Variants in TRAT1 observed in about 807,000 individuals in gnomAD.
TRAT1 encodes T cell receptor associated transmembrane adaptor 1, also known as T-cell receptor-associated transmembrane adapter 1.
In TRAT1, 20 loss-of-function variants were observed where a neutral mutation model predicts 20.0. The ratio of observed to expected loss-of-function variants is 1.00; its 90% confidence interval spans 0.70 to 1.45. TRAT1 has a LOEUF of 1.45. TRAT1 is among the 40% of genes most tolerant of loss of function. The probability of loss-of-function intolerance (pLI) is 0.00; values close to 1 mark genes in which losing one functional copy is unlikely to be tolerated. For missense variants in TRAT1, 237 were observed against 224.1 expected, an observed-to-expected ratio of 1.06 and a Z score of -0.37; for synonymous variants, 77 against 74.2, an observed-to-expected ratio of 1.04 and a Z score of -0.20.
intron 3 of TRAT1, among the ~76,000 whole-genome samples, chr3:108,842,141 C>T (rs1945901687): frequency 6.6e-6 from 1 of 152,180 alleles, no homozygotes; most frequent in Non-Finnish European, 1.5e-5. Flanking sequence ...TTAAGCTTAT[C>T]ATGACTCCTC....
intron 3 of TRAT1, among the ~76,000 whole-genome samples, chr3:108,842,735 T>C (rs1247051239): frequency 6.6e-6 from 1 of 152,224 alleles, no homozygotes; most frequent in East Asian, 1.9e-4. Flanking sequence ...CTGGCAGTTC[T>C]TTCCAGTATC....
At chr3:108,849,720 TC>T (rs1388909280) in intron 5 of TRAT1, among the ~76,000 whole-genome samples, 1 of 152,158 alleles carries the variant, frequency 6.6e-6, no homozygotes, top group Admixed American at 6.5e-5. Flanking sequence ...TTAATACAAG[TC>T]CTGTGGCTGT....
chr3:108,853,935 C>T lies in TRAT1; in HGVS notation c.*58C>T, dbSNP rs1001955127. 4.5e-6 allele frequency: 7 copies of T among 1,541,110 alleles called. No homozygotes were observed. The highest frequency in any genetic ancestry group is 6.2e-6 in the Non-Finnish European group (7 of 1,122,876). On this transcript the variant is annotated 3_prime_UTR_variant, in exon 6 of 6. Transcript: ENST00000295756. ...CTATTGAAGATGGCTTCTAAGAAAA[C>T]AAGATGCACAGAGGACACAGAAGGA... is the stretch of plus-strand genomic sequence containing the variant.
chr3:108,823,531 A>G (rs1393424777), intron 1 of TRAT1, among the ~76,000 whole-genome samples: 1 of 152,230 alleles, frequency 6.6e-6, no homozygotes, highest in African/African-American at 2.4e-5. Flanking sequence ...AATTTATTAA[A>G]TAAACATCTT....
intron 1 of TRAT1, 52 bp from the exon 2 acceptor site, chr3:108,830,618 A>G (rs1945783517): frequency 7.8e-7 from 1 of 1,273,912 alleles, no homozygotes; most frequent in Non-Finnish European, 1.1e-6. Flanking sequence ...CCAGACCAAA[A>G]CAAATGGGTA....
In TRAT1 at chr3:108,853,789, C is replaced by A. The variant is rs139202870; in HGVS notation, c.473C>A (p.Pro158Gln). The A allele has an allele frequency of 2.5e-5, 41 of 1,613,986 alleles. No homozygotes were observed. Among genetic ancestry groups the A allele is most frequent in the Non-Finnish European group, 3.3e-5 (39 of 1,179,980 alleles). Reference protein sequence around the residue: ...SKTTLVDSFSPESQAVEENIH... With the variant: ...SKTTLVDSFSQESQAVEENIH... ...ACCACCTTAGTAGACAGTTTCTCCC[C>A]AGAAAGCCAGGCAGTAGAGGAAAAC... The change falls in exon 6 of 6, where the codon CCA (proline) becomes CAA (glutamine). Residue 158 changes from proline (P) to glutamine (Q), a missense_variant. Physicochemically the swap from Pro to Gln is moderately conservative, Grantham distance 76 (BLOSUM62 -1). Coordinates refer to ENST00000295756, the MANE Select transcript of TRAT1 (RefSeq NM_016388.4).
At chr3:108,851,421 A>T (rs1248372698) in intron 5 of TRAT1, among the ~76,000 whole-genome samples, 1 of 152,164 alleles carries the variant, frequency 6.6e-6, no homozygotes, top group Non-Finnish European at 1.5e-5. Flanking sequence ...TCTTCTCTTC[A>T]TATCCAAATC....
chr3:108,833,799 TACAC>T (rs3054303), intron 2 of TRAT1, among the ~76,000 whole-genome samples: 25,871 of 146,624 alleles, frequency 0.18, 2,825 homozygotes, highest in East Asian at 0.56. Flanking sequence ...TTGTAAGAAT[TACAC>T]ACACACACAC....
chr3:108,854,352 G>A lies in TRAT1; in HGVS notation c.*475G>A, dbSNP rs1300619866. On this transcript the variant is annotated 3_prime_UTR_variant, in exon 6 of 6. Coordinates refer to ENST00000295756, the MANE Select transcript of TRAT1 (RefSeq NM_016388.4). ...ATTGAAATAAATTTCTGATTGAAAG[G>A]TATAGGAAACATTAAAATGCATTAC... 6.5e-6 allele frequency: 1 copy of A among 152,796 alleles called. No individual in the cohort carries two copies. The highest frequency in any genetic ancestry group is 6.5e-5 in the Admixed American group (1 of 15,390). 9.5% of individuals were successfully genotyped at this position (152,796 alleles called of 1,614,324 possible). A position where few individuals can be genotyped will look rare whatever the true frequency, so the allele number is the denominator to read the frequency against.
At chr3:108,852,010 G>A (rs2107516989) in intron 5 of TRAT1, among the ~76,000 whole-genome samples, 1 of 152,250 alleles carries the variant, frequency 6.6e-6, no homozygotes. Context: ...ATCCAGTTAG[G>A]CAGCTATTAC....
chr3:108,841,970 T>C (rs1005621744), intron 3 of TRAT1, among the ~76,000 whole-genome samples: 1 of 152,178 alleles, frequency 6.6e-6, no homozygotes, highest in Admixed American at 6.5e-5. Flanking sequence ...GGTTTTATCA[T>C]ATGAAGAATA....
At chr3:108,837,584 G>A (rs1374826792) in intron 2 of TRAT1, among the ~76,000 whole-genome samples, 1 of 152,154 alleles carries the variant, frequency 6.6e-6, no homozygotes, top group East Asian at 1.9e-4. Flanking sequence ...CTAATATAGA[G>A]TGTTTTCACA....
intron 3 of TRAT1, among the ~76,000 whole-genome samples, chr3:108,839,577 C>T (rs202042598): frequency 2.0e-5 from 3 of 149,996 alleles, no homozygotes; most frequent in East Asian, 2.0e-4. Context: ...ACCCGGGAGG[C>T]GGAGGTTGCA....
intron 1 of TRAT1, among the ~76,000 whole-genome samples, chr3:108,827,374 GTA>G (rs554491768): frequency 4.2e-4 from 47 of 110,966 alleles, no homozygotes; most frequent in African/African-American, 1.5e-3. Context: ...GAGGTATAAA[GTA>G]TGTGTGTATG....
At position 108,848,302 on chromosome 3, in the gene TRAT1, T is replaced by C. The variant is rs148347612; in HGVS notation, c.215-864T>C. 2.4e-3 allele frequency among the ~76,000 whole-genome samples: 368 copies of C among 152,284 alleles called. 1 individual carries two copies. The highest frequency in any genetic ancestry group is 8.4e-3 in the African/African-American group (350 of 41,560). ...TGGACCATGATTTGAGAAACACCACTCTACATACCCTTTCTCTGTGTTGCT... is the reference window on the plus strand; with the variant it reads ...TGGACCATGATTTGAGAAACACCACCCTACATACCCTTTCTCTGTGTTGCT... On this transcript the variant is annotated intron_variant, in intron 4 of 5. Transcript: ENST00000295756.
At chr3:108,838,771 A>C (rs1945864745) in intron 2 of TRAT1, among the ~76,000 whole-genome samples, 163 bp from the exon 3 acceptor site, 1 of 152,042 alleles carries the variant, frequency 6.6e-6, no homozygotes, top group Non-Finnish European at 1.5e-5. Context: ...TGATTGGCCC[A>C]AGAGGAGACC....
At chr3:108,846,758 A>G (rs1253545128) in intron 3 of TRAT1, among the ~76,000 whole-genome samples, 1 of 152,228 alleles carries the variant, frequency 6.6e-6, no homozygotes. Context: ...AGAGAATTAA[A>G]TGAACAAACA....
At chr3:108,830,002 C>T (rs1253532932) in intron 1 of TRAT1, among the ~76,000 whole-genome samples, 1 of 152,132 alleles carries the variant, frequency 6.6e-6, no homozygotes, top group Non-Finnish European at 1.5e-5. Context: ...ATGACCTCTC[C>T]ATGTGTGTCA....
chr3:108,837,288 T>C (rs1422757778), intron 2 of TRAT1, among the ~76,000 whole-genome samples: 1 of 152,218 alleles, frequency 6.6e-6, no homozygotes, highest in Non-Finnish European at 1.5e-5. Flanking sequence ...CCAAATGGAA[T>C]ACATTCATCA....
Sources: allele counts gnomAD v4.1 joint callset (sites outside exome capture counted in the v4.1 genomes callset), GRCh38; gene constraint gnomAD v4.1.1; transcripts MANE v1.5; gene names NCBI Gene and HGNC (gene_info 2026-07-23, HGNC 2026-07-21).